The following CNOT1 variants were observed in gnomAD, a reference collection of about 807,000 sequenced individuals.
CNOT1 encodes the protein CCR4-associated factor 1.
A neutral mutation model predicts 273.8 loss-of-function variants in CNOT1; 15 were observed. The observed-to-expected ratio is 0.05, with a 90% CI of 0.04 to 0.08. CNOT1 has a LOEUF of 0.08. Ranked by LOEUF, CNOT1 falls within the 10% of genes least tolerant of loss-of-function variation. CNOT1 has a pLI of 1.00. For synonymous variants in CNOT1, 1,022 were observed against 1,005.5 expected, an observed-to-expected ratio of 1.02 and a Z score of -0.31; for missense variants, 1,644 against 2,912.2, an observed-to-expected ratio of 0.56 and a Z score of 10.02.
chr16:58,578,531 T>C (rs1246639824), intron 13 of CNOT1, among the ~76,000 whole-genome samples, 168 bp downstream of exon 13: 1 of 152,090 alleles, frequency 6.6e-6, no homozygotes, highest in Non-Finnish European at 1.5e-5. Flanking sequence ...TTGTATTTTA[T>C]TGCTCACATG....
intron 16 of CNOT1, among the ~76,000 whole-genome samples, chr16:58,563,265 T>G (rs1377632570): frequency 1.3e-5 from 2 of 152,246 alleles, no homozygotes; most frequent in African/African-American, 4.8e-5. Flanking sequence ...AATACCATTG[T>G]GTTATAATTG....
intron 21 of CNOT1, among the ~76,000 whole-genome samples, chr16:58,554,806 C>A (rs568070524): frequency 7.8e-4 from 118 of 151,776 alleles, no homozygotes; most frequent in Non-Finnish European, 1.4e-3. Flanking sequence ...TGCAGTGGCA[C>A]GCGTCTGTAA....
chr16:58,536,441 A>G (rs2039933691), intron 39 of CNOT1, among the ~76,000 whole-genome samples: 1 of 152,158 alleles, frequency 6.6e-6, no homozygotes, highest in African/African-American at 2.4e-5. Context: ...ATTCCTGCCA[A>G]ACTTGATTTT....
chr16:58,560,523 C>G (rs888475169), intron 16 of CNOT1, among the ~76,000 whole-genome samples, 161 bp from the exon 17 acceptor site: 1 of 152,022 alleles, frequency 6.6e-6, no homozygotes, highest in Non-Finnish European at 1.5e-5. Flanking sequence ...ACCTCTGCCC[C>G]CCGGGTTCAA....
intron 12 of CNOT1, among the ~76,000 whole-genome samples, chr16:58,579,496 A>G (rs145023770): frequency 9.2e-5 from 14 of 152,330 alleles, no homozygotes; most frequent in African/African-American, 3.4e-4. Flanking sequence ...ATCTGTTCAA[A>G]TAAAATGAAG....
At chr16:58,539,675 T>G (rs2040029079) in intron 35 of CNOT1, 93 bp downstream of exon 35, 3 of 1,264,182 alleles carry the variant, frequency 2.4e-6, no homozygotes, top group Non-Finnish European at 3.2e-6. Context: ...TATGAAATCT[T>G]AAGCATAACT....
At chr16:58,599,970 G>A (rs1431997420) in intron 1 of CNOT1, among the ~76,000 whole-genome samples, 1 of 152,032 alleles carries the variant, frequency 6.6e-6, no homozygotes, top group African/African-American at 2.4e-5. Context: ...GGCTGAGGCA[G>A]GAGGACCGCT....
intron 47 of CNOT1, among the ~76,000 whole-genome samples, chr16:58,522,510 A>ATTTC (rs10701403): frequency 1.3e-5 from 2 of 151,838 alleles, no homozygotes; most frequent in Non-Finnish European, 2.9e-5. Context: ...ATAGGTGACT[A>ATTTC]ATTAGGCAAA....
chr16:58,523,807 C>CGA (rs2039487888), intron 46 of CNOT1: 1 of 226,962 alleles, frequency 4.4e-6, no homozygotes, highest in South Asian at 9.7e-5. Context: ...TTGCAGATCT[C>CGA]TAAGTCTTGC....
chr16:58,523,295 G>C lies in CNOT1; in HGVS notation c.6917+75C>G, dbSNP rs930223260. 14 of 1,428,068 alleles carry C rather than the reference G, an allele frequency of 9.8e-6. No homozygotes were observed. In the South Asian group the frequency reaches 1.7e-4, roughly 17 times the overall value. 88.5% of individuals were successfully genotyped at this position (1,428,068 alleles called of 1,614,324 possible). A position where few individuals can be genotyped will look rare whatever the true frequency, so the allele number is the denominator to read the frequency against. On this transcript the variant is annotated intron_variant, in intron 47 of 48. Transcript: ENST00000317147. ...AACGGATTTTCACTGAACACTGAAA[G>C]CATAAAGAGGAAAAAAAAAAGATGA...
intron 2 of CNOT1, among the ~76,000 whole-genome samples, chr16:58,589,454 G>A (rs1256175442): frequency 6.6e-6 from 1 of 152,178 alleles, no homozygotes; most frequent in African/African-American, 2.4e-5. Flanking sequence ...AGAGGTTGCA[G>A]TGAGCTGAGA....
chr16:58,604,623 A>T (rs75594968), intron 1 of CNOT1, among the ~76,000 whole-genome samples: 1 of 74,570 alleles, frequency 1.3e-5, no homozygotes, highest in Non-Finnish European at 2.5e-5. Context: ...CTCTGCTATA[A>T]AAAAAAAAAA....
chr16:58,591,841 A>C (rs996554257), intron 2 of CNOT1, among the ~76,000 whole-genome samples: 7 of 151,752 alleles, frequency 4.6e-5, no homozygotes, highest in Admixed American at 4.6e-4. Flanking sequence ...ATCCTCCCTC[A>C]TGTCTTCTTT....
At chr16:58,521,422 G>T in intron 47 of CNOT1, 105 bp from the exon 48 acceptor site, 2 of 1,185,178 alleles carry the variant, frequency 1.7e-6, no homozygotes, top group Non-Finnish European at 2.4e-6. Flanking sequence ...TGAACCACAT[G>T]CAAAAGTTTT....
At chr16:58,590,372 T>C (rs947700495) in intron 2 of CNOT1, among the ~76,000 whole-genome samples, 5 of 152,234 alleles carry the variant, frequency 3.3e-5, no homozygotes, top group African/African-American at 9.6e-5. Context: ...TCTAAGTTCT[T>C]AGCTTATTTC....
rs775298615 is a variant in CNOT1 at position 58,585,484 on chromosome 16, G to A, written c.660C>T (p.Pro220=). Residue 220 remains proline, a synonymous_variant, in exon 8 of 49, where the codon CCC becomes CCT. Coordinates refer to ENST00000317147, the MANE Select transcript of CNOT1 (RefSeq NM_016284.5). The part of the protein sequence containing the change: ...LRRDFPQERC[P]VVLAPLLYPE... The stretch of plus-strand genomic sequence containing the variant: ...GGTATAAAAGTGGTGCGAGCACCAC[G>A]GGACAGCGTTCTTGGGGAAAATCTG... 9.9e-6 allele frequency: 16 copies of A among 1,611,954 alleles called. No homozygotes were observed. Among genetic ancestry groups the A allele is most frequent in the Middle Eastern group, 1.6e-4 (1 of 6,084 alleles).
intron 1 of CNOT1, among the ~76,000 whole-genome samples, chr16:58,619,891 T>C (rs569966093): frequency 3.0e-4 from 45 of 152,192 alleles, no homozygotes; most frequent in Admixed American, 1.8e-3. Context: ...TTCAAGAAAT[T>C]GCCAAGATGT....
At chr16:58,594,232 G>A (rs983346873) in intron 2 of CNOT1, among the ~76,000 whole-genome samples, 1 of 151,406 alleles carries the variant, frequency 6.6e-6, no homozygotes, top group African/African-American at 2.4e-5. Flanking sequence ...CAACAAGAGC[G>A]AAACTCCATC....
intron 8 of CNOT1, 37 bp from the exon 9 acceptor site, chr16:58,583,219 G>A (rs764248232): frequency 1.2e-6 from 2 of 1,603,232 alleles, no homozygotes; most frequent in South Asian, 2.2e-5. Context: ...AATGCTACCA[G>A]CCTCAACACC....
Sources: gnomAD v4.1 joint callset for allele counts (sites outside exome capture counted in the v4.1 genomes callset) on GRCh38, gnomAD v4.1.1 for gene constraint, MANE v1.5 for transcripts, NCBI Gene and HGNC (gene_info 2026-07-23, HGNC 2026-07-21) for gene names.